UVRAG: variants seen among roughly 807,000 people sequenced by gnomAD.
The protein encoded by UVRAG is UV radiation resistance-associated gene protein.
A neutral mutation model predicts 78.0 loss-of-function variants in UVRAG; 19 were observed. The ratio of observed to expected loss-of-function variants is 0.24; its 90% CI spans 0.17 to 0.36. UVRAG has a LOEUF of 0.36. Among genes scored for constraint, UVRAG ranks in the 10% least tolerant of loss-of-function variants. The pLI is 1.00. For missense variants in UVRAG, 740 were observed against 853.8 expected (o/e 0.87, Z 1.66); for synonymous variants, 323 against 324.6 (o/e 1.00, Z 0.05).
intron 6 of UVRAG, among the ~76,000 whole-genome samples, chr11:75,960,658 T>C (rs897080784): frequency 6.6e-6 from 1 of 151,990 alleles, no homozygotes; most frequent in Middle Eastern, 3.2e-3. Context: ...TCCCAGCTAT[T>C]TGGGGGCCTG....
At chr11:75,921,176 C>G (rs1360327206) in intron 6 of UVRAG, among the ~76,000 whole-genome samples, 1 of 152,124 alleles carries the variant, frequency 6.6e-6, no homozygotes, top group African/African-American at 2.4e-5. Flanking sequence ...CCAAAGGGCA[C>G]AAAATAAATG....
intron 4 of UVRAG, among the ~76,000 whole-genome samples, 155 bp downstream of exon 4, chr11:75,880,195 C>T (rs1946905570): frequency 6.6e-6 from 1 of 152,174 alleles, no homozygotes; most frequent in South Asian, 2.1e-4. Context: ...TGATCATTTA[C>T]ATATGTTATT....
intron 8 of UVRAG, among the ~76,000 whole-genome samples, chr11:75,994,547 T>A (rs17134497): frequency 6.6e-6 from 1 of 152,300 alleles, no homozygotes; most frequent in South Asian, 2.1e-4. Context: ...AGTAGATAAC[T>A]TTTATTGAAA....
intron 12 of UVRAG, among the ~76,000 whole-genome samples, chr11:76,029,828 A>G (rs1445120785): frequency 6.6e-6 from 1 of 152,226 alleles, no homozygotes; most frequent in Non-Finnish European, 1.5e-5. Flanking sequence ...TGCATGCTAC[A>G]TGAAAGGCAA....
intron 13 of UVRAG, among the ~76,000 whole-genome samples, chr11:76,113,620 A>G (rs772071669): frequency 1.3e-5 from 2 of 152,088 alleles, no homozygotes; most frequent in African/African-American, 4.8e-5. Flanking sequence ...TGTGTTATGT[A>G]TGCATTTATT....
rs1948897572 is a variant in UVRAG at position 75,960,942 on chromosome 11, C to T, written c.594-502C>T. 2.0e-5 allele frequency among the ~76,000 whole-genome samples: 3 copies of T among 152,220 alleles called. No homozygotes were observed. The South Asian group carries it at 6.2e-4, about 32-fold the overall frequency. On this transcript the variant is annotated intron_variant, in intron 6 of 14. Coordinates refer to ENST00000356136, the MANE Select transcript of UVRAG (RefSeq NM_003369.4). The stretch of plus-strand genomic sequence containing the variant: ...TATTTAATTCCTCCTATTACTTTGT[C>T]TTTTCTATCATCTTTTGGTTTTTTC...
chr11:76,122,596 C>G (rs1246803784), intron 14 of UVRAG, among the ~76,000 whole-genome samples: 2 of 152,194 alleles, frequency 1.3e-5, no homozygotes, highest in Non-Finnish European at 2.9e-5. Flanking sequence ...TTTTTAAAAT[C>G]AAATGCATCC....
intron 12 of UVRAG, among the ~76,000 whole-genome samples, chr11:76,057,986 T>G (rs1951014680): frequency 6.6e-6 from 1 of 152,124 alleles, no homozygotes. Flanking sequence ...TGTTGTTGTT[T>G]TGTTAATTGC....
intron 3 of UVRAG, among the ~76,000 whole-genome samples, chr11:75,863,357 G>A (rs575201226): frequency 1.3e-5 from 2 of 152,320 alleles, no homozygotes. Flanking sequence ...TTAAGAGCTA[G>A]GAGTGATTAT....
At chr11:76,129,808 C>G (rs1448023227) in intron 14 of UVRAG, among the ~76,000 whole-genome samples, 1 of 152,174 alleles carries the variant, frequency 6.6e-6, no homozygotes, top group Non-Finnish European at 1.5e-5. Context: ...ACCATCCACT[C>G]TGGACCCCTC....
intron 13 of UVRAG, among the ~76,000 whole-genome samples, chr11:76,080,701 A>G (rs1206695247): frequency 6.6e-6 from 1 of 152,214 alleles, no homozygotes; most frequent in Non-Finnish European, 1.5e-5. Flanking sequence ...GAGGCTGGTC[A>G]AGCTATGTAT....
chr11:75,869,854 T>G (rs1467314462), intron 3 of UVRAG, among the ~76,000 whole-genome samples: 2 of 152,230 alleles, frequency 1.3e-5, no homozygotes, highest in Non-Finnish European at 2.9e-5. Context: ...TATGAGTTCT[T>G]GGTTGTGTTC....
chr11:75,847,674 T>C (rs1029188610), intron 1 of UVRAG, among the ~76,000 whole-genome samples: 3 of 152,054 alleles, frequency 2.0e-5, no homozygotes, highest in African/African-American at 4.8e-5. Flanking sequence ...AATTTACCCA[T>C]AAAGAGTTTA....
chr11:76,091,239 C>T (rs990901937), intron 13 of UVRAG, among the ~76,000 whole-genome samples: 1 of 151,974 alleles, frequency 6.6e-6, no homozygotes, highest in African/African-American at 2.4e-5. Flanking sequence ...ATTTGATTCC[C>T]CCTTTTTGTA....
intron 1 of UVRAG, among the ~76,000 whole-genome samples, chr11:75,828,207 T>C (rs1333685124): frequency 2.0e-5 from 3 of 151,916 alleles, no homozygotes; most frequent in African/African-American, 7.3e-5. Flanking sequence ...CTTATTGGAG[T>C]TTATTCTACA....
chr11:75,815,618 C>T (rs1945245618), intron 1 of UVRAG, 94 bp downstream of exon 1: 2 of 787,192 alleles, frequency 2.5e-6, no homozygotes, highest in African/African-American at 1.8e-5. Context: ...AGCCGGGACA[C>T]CCAGAGCAGG....
In UVRAG at chr11:75,852,372, C is replaced by T. The variant is rs184194397; in HGVS notation, c.235+372C>T. ...AATAGGGACCTAGTTTATATCTTCT[C>T]GTATCTGTAATTCCCTGTATATATG... On this transcript the variant is annotated intron_variant, in intron 2 of 14. Coordinates refer to ENST00000356136, the MANE Select transcript of UVRAG (RefSeq NM_003369.4). Among the ~76,000 whole-genome samples, 216 of 152,144 alleles carry T rather than the reference C, an allele frequency of 1.4e-3. 3 individuals are homozygous for T. Among genetic ancestry groups the T allele is most frequent in the African/African-American group, 4.8e-3 (201 of 41,508 alleles).
intron 14 of UVRAG, among the ~76,000 whole-genome samples, chr11:76,129,284 T>A (rs1160296073): frequency 1.3e-5 from 2 of 152,220 alleles, no homozygotes; most frequent in African/African-American, 2.4e-5. Flanking sequence ...ACACAAGGGA[T>A]CATTTAGCAT....
intron 12 of UVRAG, among the ~76,000 whole-genome samples, chr11:76,036,908 AT>A (rs1193858857): frequency 6.6e-6 from 1 of 152,180 alleles, no homozygotes; most frequent in Non-Finnish European, 1.5e-5. Flanking sequence ...GGAAAACTGA[AT>A]AGGAGCTGCT....
Sources: allele counts gnomAD v4.1 joint callset (sites outside exome capture counted in the v4.1 genomes callset), GRCh38; gene constraint gnomAD v4.1.1; transcripts MANE v1.5; gene names NCBI Gene and HGNC (gene_info 2026-07-23, HGNC 2026-07-21).